CDK15: variants seen among roughly 807,000 people sequenced by gnomAD.
The protein encoded by CDK15 is cyclin-dependent kinase 15.
CDK15 carries 62 observed loss-of-function variants against 60.3 expected under a neutral mutation model. The observed-to-expected ratio is 1.03, with a 90% CI of 0.84 to 1.27. The LOEUF (loss-of-function observed/expected upper bound fraction) is 1.27. Among genes scored for constraint, CDK15 ranks in the 50% most tolerant of loss-of-function variants. The probability of loss-of-function intolerance (pLI) is 0.00; values close to 1 mark genes in which losing one functional copy is unlikely to be tolerated. For missense variants in CDK15, 541 were observed against 527.8 expected (o/e 1.03, Z -0.25); for synonymous variants, 194 against 195.7 (o/e 0.99, Z 0.07).
rs1696877343 is a variant in CDK15 at position 201,833,811 on chromosome 2, C to T, written c.607-37C>T. On this transcript the variant is annotated intron_variant, in intron 6 of 13. Coordinates refer to ENST00000652192, the MANE Select transcript of CDK15 (RefSeq NM_001366386.2). ...TAGAGGCGAAATCAGCACGTGGTGG[C>T]TCAAATCTCCTTATGGATAGTGTTT... 3.1e-6 allele frequency: 5 copies of T among 1,596,912 alleles called. No homozygotes were observed. The Admixed American group carries it at 8.5e-5, about 27-fold the overall frequency.
At chr2:201,883,479 A>G (rs1476442623) in intron 12 of CDK15, among the ~76,000 whole-genome samples, 1 of 152,248 alleles carries the variant, frequency 6.6e-6, no homozygotes, top group Non-Finnish European at 1.5e-5. Flanking sequence ...TTAGAGCCAA[A>G]GGGCATTTAT....
At chr2:201,844,651 A>G (rs1697561518) in intron 8 of CDK15, among the ~76,000 whole-genome samples, 1 of 152,190 alleles carries the variant, frequency 6.6e-6, no homozygotes, top group Non-Finnish European at 1.5e-5. Context: ...TACAGCAGAA[A>G]TCAGTAGAAA....
chr2:201,855,004 A>G, intron 10 of CDK15, 67 bp downstream of exon 10: 1 of 1,439,466 alleles, frequency 6.9e-7, no homozygotes, highest in East Asian at 2.3e-5. Flanking sequence ...TGGCCACGCT[A>G]ACAGGGCGTT....
rs12619693 is a variant in CDK15, at chr2:201,880,331, C to A, written c.1198+164C>A. Among the ~76,000 whole-genome samples, 7 of 152,066 alleles carry A rather than the reference C, an allele frequency of 4.6e-5. 1 individual carries two copies. The highest frequency in any genetic ancestry group is 2.1e-4 in the South Asian group (1 of 4,828). ...TTGCCTGGGAGAAGCAAGATAGGAC[C>A]TAATCTTGTCTGAGTTTTGCATGAG... On this transcript the variant is annotated intron_variant, in intron 12 of 13. Coordinates refer to ENST00000652192, the MANE Select transcript of CDK15 (RefSeq NM_001366386.2).
intron 12 of CDK15, among the ~76,000 whole-genome samples, chr2:201,887,014 A>G (rs1023544786): frequency 1.3e-5 from 2 of 152,214 alleles, no homozygotes; most frequent in Non-Finnish European, 2.9e-5. Flanking sequence ...AAATAATTGA[A>G]TAGGGGGGAA....
chr2:201,851,287 A>C (rs1697893970), intron 9 of CDK15, among the ~76,000 whole-genome samples: 1 of 113,910 alleles, frequency 8.8e-6, no homozygotes, highest in Non-Finnish European at 1.8e-5. Flanking sequence ...GTGAGACTTC[A>C]TCTCAAAAAA....
chr2:201,848,224 A>G (rs981679779), intron 9 of CDK15, among the ~76,000 whole-genome samples: 6 of 152,174 alleles, frequency 3.9e-5, no homozygotes, highest in Admixed American at 3.9e-4. Flanking sequence ...TAAAGTGTCA[A>G]GGTGCCTTTG....
intron 10 of CDK15, among the ~76,000 whole-genome samples, chr2:201,871,823 G>A (rs1698860107): frequency 6.6e-6 from 1 of 151,964 alleles, no homozygotes. Context: ...GGGAGAATTT[G>A]TCCCAGGTCC....
chr2:201,864,672 A>C (rs570622928), intron 10 of CDK15, among the ~76,000 whole-genome samples: 149 of 152,322 alleles, frequency 9.8e-4, no homozygotes, highest in African/African-American at 3.4e-3. Context: ...AAGTGCCGGG[A>C]TTACAGGCAT....
intron 4 of CDK15, among the ~76,000 whole-genome samples, chr2:201,816,196 T>C (rs1695982558): frequency 6.6e-6 from 1 of 152,202 alleles, no homozygotes; most frequent in South Asian, 2.1e-4. Context: ...TGCATGATGC[T>C]GAGGTATCTT....
rs549703303 is a variant in CDK15, at chr2:201,822,102, G to A, written c.449-707G>A. Among the ~76,000 whole-genome samples, 21 of 152,254 alleles carry A rather than the reference G, an allele frequency of 1.4e-4. 1 individual carries two copies. The South Asian group carries it at 4.0e-3, about 29-fold the overall frequency. ...TCCCAGTCACTTGGCCTTTTGTGAT[G>A]ACTTCTTTCCTTCAAGGCTGCCTTT... On this transcript the variant is annotated intron_variant, in intron 4 of 13. Transcript: ENST00000652192.
At chr2:201,823,624 A>T in intron 5 of CDK15, 41 bp from the exon 6 acceptor site, 1 of 1,559,318 alleles carries the variant, frequency 6.4e-7, no homozygotes, top group Non-Finnish European at 8.8e-7. Flanking sequence ...TCTAAGCACC[A>T]CTAAATTCAC....
intron 4 of CDK15, among the ~76,000 whole-genome samples, chr2:201,819,459 A>G (rs1325459691): frequency 6.6e-6 from 1 of 152,182 alleles, no homozygotes; most frequent in Non-Finnish European, 1.5e-5. Flanking sequence ...TGGGCAGGAA[A>G]TCGCAAGTCC....
At chr2:201,812,452 A>G in intron 3 of CDK15, 31 bp from the exon 4 acceptor site, 1 of 1,518,334 alleles carries the variant, frequency 6.6e-7, no homozygotes, top group Middle Eastern at 1.7e-4. Flanking sequence ...CCACCTCAAT[A>G]AGTGTGTGCC....
intron 8 of CDK15, among the ~76,000 whole-genome samples, chr2:201,845,518 T>C (rs1043645376): frequency 5.5e-5 from 8 of 146,694 alleles, no homozygotes; most frequent in African/African-American, 2.0e-4. Flanking sequence ...TTGGGAGGCC[T>C]AGGCAGGCAG....
Position 201,835,649 on chromosome 2 carries a change from C to T in CDK15, c.737C>T (p.Ala246Val). The change falls in exon 8 of 14, where the codon GCC becomes GTC. Residue 246 changes from alanine (A) to valine (V), a missense_variant. Coordinates refer to ENST00000652192, the MANE Select transcript of CDK15 (RefSeq NM_001366386.2). ...GCTTTTCCCTTTTGGACAGGTCTTG[C>T]CCGGGCCAAGTCCATTCCCAGCCAG... ...GELKLADFGLARAKSIPSQTY... is the reference protein window; with the variant it reads ...GELKLADFGLVRAKSIPSQTY... 1 of 1,605,020 alleles carries T rather than the reference C, an allele frequency of 6.2e-7. No homozygotes were observed. Among genetic ancestry groups the T allele is most frequent in the Non-Finnish European group, 8.5e-7 (1 of 1,174,322 alleles).
intron 10 of CDK15, chr2:201,861,289 T>A (rs573037881): frequency 2.0e-6 from 2 of 995,184 alleles, no homozygotes; most frequent in Non-Finnish European, 2.4e-6. Context: ...CCTGCCAAGA[T>A]CGATGCTGGG....
chr2:201,852,199 T>C (rs1360178930), intron 9 of CDK15, among the ~76,000 whole-genome samples: 1 of 152,218 alleles, frequency 6.6e-6, no homozygotes, highest in East Asian at 1.9e-4. Context: ...TATAAATAGT[T>C]CCTGAATTTG....
chr2:201,868,302 A>G (rs1283853065), intron 10 of CDK15, among the ~76,000 whole-genome samples: 1 of 152,168 alleles, frequency 6.6e-6, no homozygotes, highest in Non-Finnish European at 1.5e-5. Context: ...AGTAGAAACT[A>G]TTACTATCCC....
Sources: gnomAD v4.1 joint callset for allele counts (sites outside exome capture counted in the v4.1 genomes callset) on GRCh38, gnomAD v4.1.1 for gene constraint, MANE v1.5 for transcripts, NCBI Gene and HGNC (gene_info 2026-07-23, HGNC 2026-07-21) for gene names.